MEIS1: variants seen among roughly 807,000 people sequenced by gnomAD.
The protein encoded by MEIS1 is homeobox protein Meis1.
A neutral mutation model predicts 50.8 loss-of-function variants in MEIS1; 5 were observed. The observed-to-expected ratio is 0.10, with a 90% CI of 0.05 to 0.21. MEIS1 has a LOEUF of 0.21. Ranked by LOEUF, MEIS1 falls within the 10% of genes least tolerant of loss-of-function variation. The probability of loss-of-function intolerance (pLI) is 1.00; values close to 1 mark genes in which losing one functional copy is unlikely to be tolerated. For missense variants in MEIS1, 318 were observed against 517.3 expected (o/e 0.61, Z 3.74); for synonymous variants, 176 against 179.3 (o/e 0.98, Z 0.15).
chr2:66,518,046 T>C (rs1332312936), intron 8 of MEIS1, among the ~76,000 whole-genome samples: 1 of 152,150 alleles, frequency 6.6e-6, no homozygotes, highest in East Asian at 1.9e-4. Context: ...CAAAGCTTTC[T>C]CCCAGCCTTC....
chr2:66,538,354 A>G (rs1387087738), intron 8 of MEIS1, among the ~76,000 whole-genome samples: 1 of 152,240 alleles, frequency 6.6e-6, no homozygotes, highest in Non-Finnish European at 1.5e-5. Context: ...TAAGGATTAA[A>G]TAAGTAAATA....
chr2:66,441,312 C>G (rs1282373281), intron 4 of MEIS1, 102 bp from the exon 5 acceptor site: 2 of 941,218 alleles, frequency 2.1e-6, no homozygotes, highest in African/African-American at 1.8e-5. Context: ...CAAAATAACT[C>G]TATTTACTGG....
chr2:66,497,850 A>G (rs565594948), intron 7 of MEIS1, among the ~76,000 whole-genome samples: 1 of 152,304 alleles, frequency 6.6e-6, no homozygotes, highest in East Asian at 1.9e-4. Flanking sequence ...ACTAGTAAAA[A>G]TTGCTTTCCA....
At chr2:66,565,403 T>G (rs1675323167) in intron 9 of MEIS1, among the ~76,000 whole-genome samples, 2 of 152,142 alleles carry the variant, frequency 1.3e-5, no homozygotes, top group South Asian at 4.1e-4. Context: ...AACACTGGGG[T>G]TGCTGCCAGT....
At chr2:66,484,660 G>A (rs551348831) in intron 7 of MEIS1, among the ~76,000 whole-genome samples, 48 of 152,216 alleles carry the variant, frequency 3.2e-4, no homozygotes, top group African/African-American at 1.1e-3. Flanking sequence ...CTGGGTTCAA[G>A]CAATTCTCCT....
chr2:66,441,222 G>GT lies in MEIS1; in HGVS notation c.433-182dup, dbSNP rs530256249. 3.7e-3 allele frequency among the ~76,000 whole-genome samples: 544 copies of GT among 148,670 alleles called. 4 individuals carry two copies. Among genetic ancestry groups the GT allele is most frequent in the African/African-American group, 0.012 (480 of 40,476 alleles). On this transcript the variant is annotated intron_variant, in intron 4 of 12. Transcript: ENST00000272369. ...AGATGCTGTGTTGTTGTTTTAGCTA[G>GT]TTTTTTTTTTCTTAAGAAATATAAA...
rs1266077003 is a variant in MEIS1 at position 66,435,125 on chromosome 2, A to G, written c.-732A>G. 6.6e-6 allele frequency: 1 copy of G among 152,548 alleles called. No individual in the cohort carries two copies. Among genetic ancestry groups the G allele is most frequent in the East Asian group, 1.9e-4 (1 of 5,194 alleles). 9.4% of individuals were successfully genotyped at this position (152,548 alleles called of 1,614,324 possible). A position where few individuals can be genotyped will look rare whatever the true frequency, so the allele number is the denominator to read the frequency against. On this transcript the variant is annotated 5_prime_UTR_variant, in exon 1 of 13. Transcript: ENST00000272369. ...GCCACCACTACTTCCGGGTTCTAGC[A>G]TTCTGGTCGGAATCCACCTCTCCGC...
chr2:66,536,549 A>G (rs1674522597), intron 8 of MEIS1, among the ~76,000 whole-genome samples: 1 of 152,360 alleles, frequency 6.6e-6, no homozygotes, highest in Non-Finnish European at 1.5e-5. Flanking sequence ...AAATGAGAAC[A>G]TTGATAAATA....
At position 66,445,448 on chromosome 2, in the gene MEIS1, G is replaced by A. The variant is rs1672108590; in HGVS notation, c.630+2400G>A. On this transcript the variant is annotated intron_variant, in intron 6 of 12. Transcript: ENST00000272369. Reference sequence around the variant, plus strand: ...CCAGTTCTCCGGTCTGGAGCCTGCTGGCCTGTCCCTCCGGGGCGCTGAACC... The same window carrying A: ...CCAGTTCTCCGGTCTGGAGCCTGCTAGCCTGTCCCTCCGGGGCGCTGAACC... Among the ~76,000 whole-genome samples, 4 of 152,362 alleles carry A rather than the reference G, an allele frequency of 2.6e-5. No individual in the cohort carries two copies. In the South Asian group the frequency reaches 8.3e-4, roughly 32 times the overall value.
chr2:66,558,387 A>G (rs982027598), intron 9 of MEIS1, among the ~76,000 whole-genome samples: 4 of 152,120 alleles, frequency 2.6e-5, no homozygotes, highest in African/African-American at 4.8e-5. Flanking sequence ...TTCCCTCGAA[A>G]TGACTTAGAT....
intron 7 of MEIS1, among the ~76,000 whole-genome samples, chr2:66,494,029 G>A (rs1673336499): frequency 6.6e-6 from 1 of 152,108 alleles, no homozygotes; most frequent in South Asian, 2.1e-4. Context: ...CTTATCTTCA[G>A]CATATATAGG....
chr2:66,440,077 A>ACACACACACACACACACACC (rs1671926086), intron 3 of MEIS1, 93 bp downstream of exon 3: 1 of 1,071,724 alleles, frequency 9.3e-7, no homozygotes, highest in African/African-American at 1.6e-5. Context: ...GAACACACAC[A>ACACACACACACACACACACC]CACACACACA....
Position 66,437,817 on chromosome 2 carries a change from G to A in MEIS1, c.93G>A (p.Arg31=). The A allele has an allele frequency of 6.2e-7, 1 of 1,613,952 alleles. No individual in the cohort carries two copies. The change falls in exon 2 of 13, where the codon AGG becomes AGA. Residue 31 remains arginine (R), a synonymous_variant. Transcript: ENST00000272369. ...TGTATGGGGACCCGCATGCAGCCAG[G>A]TCCATGCAGCCGGTCCACCACCTGA... ...STMYGDPHAA[R]SMQPVHHLNH... is the part of the protein sequence containing the mutation.
intron 9 of MEIS1, among the ~76,000 whole-genome samples, chr2:66,556,727 T>C (rs777223163): frequency 3.3e-5 from 5 of 152,138 alleles, no homozygotes; most frequent in Non-Finnish European, 7.4e-5. Context: ...GTTTGGGTCA[T>C]AGTTCAGATG....
chr2:66,544,002 T>C (rs1674724702), intron 8 of MEIS1, among the ~76,000 whole-genome samples: 1 of 152,214 alleles, frequency 6.6e-6, no homozygotes, highest in Admixed American at 6.5e-5. Context: ...ACTGTGTCCT[T>C]GAGATGCAAT....
intron 7 of MEIS1, among the ~76,000 whole-genome samples, chr2:66,484,116 T>C (rs7578320): frequency 0.3 from 45,502 of 152,118 alleles, 9,566 homozygotes; most frequent in African/African-American, 0.6. Flanking sequence ...AAATAAGGTT[T>C]AAAATACCTC....
At chr2:66,545,183 C>T (rs906728018) in intron 8 of MEIS1, among the ~76,000 whole-genome samples, 1 of 152,070 alleles carries the variant, frequency 6.6e-6, no homozygotes, top group Non-Finnish European at 1.5e-5. Flanking sequence ...AAGGTTTTGC[C>T]ATCTGACTAT....
chr2:66,464,138 G>A lies in MEIS1; in HGVS notation c.660G>A (p.Thr220=), dbSNP rs568995694. The change falls in exon 7 of 13, where the codon ACG becomes ACA. Residue 220 remains threonine (T), a synonymous_variant. Transcript: ENST00000272369. ...QPSWNRDHDD[T]ASTRSGGTPG... is the part of the protein sequence containing the mutation. ...CTTGGAACAGAGATCATGATGACAC[G>A]GCATCTACTCGTTCAGGAGGAACCC... The A allele has an allele frequency of 1.1e-5, 18 of 1,603,774 alleles. No homozygotes were observed. The highest frequency in any genetic ancestry group is 1.0e-4 in the South Asian group (9 of 88,420).
intron 9 of MEIS1, among the ~76,000 whole-genome samples, chr2:66,563,117 G>A (rs1429127073): frequency 6.6e-6 from 1 of 152,094 alleles, no homozygotes; most frequent in Non-Finnish European, 1.5e-5. Flanking sequence ...AGTTTTAAGG[G>A]CTATGTAATA....
Sources: gnomAD v4.1 joint callset for allele counts (sites outside exome capture counted in the v4.1 genomes callset) on GRCh38, gnomAD v4.1.1 for gene constraint, MANE v1.5 for transcripts, NCBI Gene and HGNC (gene_info 2026-07-23, HGNC 2026-07-21) for gene names.